The following NXPE2 variants were observed in gnomAD, a reference collection of about 807,000 sequenced individuals.
The protein encoded by NXPE2 is NXPE family member 2.
In NXPE2, 34 loss-of-function variants were observed where a neutral mutation model predicts 34.4. The observed-to-expected ratio is 0.99, with a 90% CI of 0.75 to 1.31. NXPE2 has a LOEUF of 1.31. Among genes scored for constraint, NXPE2 ranks in the 40% most tolerant of loss-of-function variants. NXPE2 has a pLI of 0.00. For synonymous variants in NXPE2, 235 were observed against 231.3 expected (o/e 1.02, Z -0.15); for missense variants, 649 against 672.5 (o/e 0.97, Z 0.39).
chr11:114,682,468 C>T (rs1950965315), intron 2 of NXPE2, among the ~76,000 whole-genome samples: 1 of 152,136 alleles, frequency 6.6e-6, no homozygotes, highest in Non-Finnish European at 1.5e-5. Flanking sequence ...TGATTGGCAT[C>T]TTCTACCAGG....
At chr11:114,487,490 A>G in the NXPE2 span, among the ~76,000 whole-genome samples, 1 of 151,960 alleles carries the variant, frequency 6.6e-6, no homozygotes, top group South Asian at 2.1e-4. Flanking sequence ...CTTCCTTTCC[A>G]GTTTGGATGC....
At chr11:114,674,016 G>A (rs1300047199), upstream of NXPE2, among the ~76,000 whole-genome samples, 1 of 151,774 alleles carries the variant, frequency 6.6e-6, no homozygotes, top group Non-Finnish European at 1.5e-5. Context: ...CCCCAAAGAT[G>A]ATGATGGGAT....
downstream of NXPE2, among the ~76,000 whole-genome samples, chr11:114,708,962 C>G (rs1299930980): frequency 6.6e-6 from 1 of 152,206 alleles, no homozygotes; most frequent in Admixed American, 6.5e-5. Flanking sequence ...CACTCTACAA[C>G]TCACTCTACA....
chr11:114,745,752 G>GA, the NXPE2 span, among the ~76,000 whole-genome samples: 1 of 151,956 alleles, frequency 6.6e-6, no homozygotes, highest in African/African-American at 2.4e-5. Flanking sequence ...AACTAGATAT[G>GA]AAAAAGTATA....
chr11:114,491,454 A>G, the NXPE2 span, among the ~76,000 whole-genome samples: 2 of 152,126 alleles, frequency 1.3e-5, no homozygotes, highest in Non-Finnish European at 2.9e-5. Context: ...CAAAACCACA[A>G]TGAGATACCA....
chr11:114,723,597 A>C, the NXPE2 span, among the ~76,000 whole-genome samples: 20 of 152,242 alleles, frequency 1.3e-4, no homozygotes, highest in East Asian at 3.5e-3. Context: ...CCCCAAATCT[A>C]AGTTACCTTC....
At chr11:114,703,959 A>G in intron 3 of NXPE2, 32 bp from the exon 4 acceptor site, 1 of 1,486,858 alleles carries the variant, frequency 6.7e-7, no homozygotes, top group South Asian at 1.2e-5. Flanking sequence ...CTGGGCAGAT[A>G]TTAAGCTAAT....
the NXPE2 span, among the ~76,000 whole-genome samples, chr11:114,622,302 G>A: frequency 6.6e-6 from 1 of 150,696 alleles, no homozygotes; most frequent in East Asian, 2.0e-4. Flanking sequence ...GATAATAATT[G>A]TTGCCTCATG....
the NXPE2 span, among the ~76,000 whole-genome samples, chr11:114,464,786 A>T: frequency 2.0e-5 from 3 of 152,158 alleles, no homozygotes; most frequent in Non-Finnish European, 2.9e-5. Flanking sequence ...AACTAGGCGA[A>T]GATAATTGCA....
the NXPE2 span, among the ~76,000 whole-genome samples, chr11:114,468,657 A>G: frequency 1.3e-5 from 2 of 152,230 alleles, no homozygotes; most frequent in Non-Finnish European, 2.9e-5. Context: ...CAAGGATTCT[A>G]CTGAACATTC....
chr11:114,639,273 G>C, the NXPE2 span, among the ~76,000 whole-genome samples: 1 of 151,338 alleles, frequency 6.6e-6, no homozygotes, highest in African/African-American at 2.4e-5. Flanking sequence ...CTCCGAGCCA[G>C]GTGCAGGATA....
the NXPE2 span, among the ~76,000 whole-genome samples, chr11:114,724,379 A>C: frequency 6.6e-6 from 1 of 152,188 alleles, no homozygotes; most frequent in Non-Finnish European, 1.5e-5. Context: ...TGGGGCTGCA[A>C]CATATTGATG....
At chr11:114,571,037 A>T in the NXPE2 span, 1 of 1,613,574 alleles carries the variant, frequency 6.2e-7, no homozygotes, top group Non-Finnish European at 8.5e-7. Flanking sequence ...TATCCCAGGC[A>T]TCAATGATAC....
At chr11:114,616,901 C>T in the NXPE2 span, among the ~76,000 whole-genome samples, 91 of 151,762 alleles carry the variant, frequency 6.0e-4, no homozygotes, top group Admixed American at 1.4e-3. Flanking sequence ...GGTATTGTCT[C>T]GTGGGTAACC....
chr11:114,708,767 C>T (rs78215179), downstream of NXPE2, among the ~76,000 whole-genome samples: 13 of 152,332 alleles, frequency 8.5e-5, no homozygotes, highest in Non-Finnish European at 1.5e-4. Flanking sequence ...CTTATTGGTT[C>T]TAATTCCTCC....
At chr11:114,537,549 A>T in the NXPE2 span, among the ~76,000 whole-genome samples, 3 of 152,298 alleles carry the variant, frequency 2.0e-5, no homozygotes, top group Admixed American at 6.5e-5. Flanking sequence ...CTCAGCCCCA[A>T]ATCTCCTCAA....
At chr11:114,724,870 T>G in the NXPE2 span, among the ~76,000 whole-genome samples, 1 of 146,736 alleles carries the variant, frequency 6.8e-6, no homozygotes, top group African/African-American at 2.5e-5. Context: ...ACCCTCCACG[T>G]AATATTGCCT....
the NXPE2 span, among the ~76,000 whole-genome samples, chr11:114,626,705 A>G: frequency 2.0e-5 from 3 of 152,254 alleles, no homozygotes; most frequent in Non-Finnish European, 4.4e-5. Context: ...AAGGCTTCAG[A>G]CAATCAAATT....
At chr11:114,520,966 C>G in the NXPE2 span, among the ~76,000 whole-genome samples, 1 of 152,286 alleles carries the variant, frequency 6.6e-6, no homozygotes, top group South Asian at 2.1e-4. Context: ...AAGTGACAGC[C>G]TGCTATATCC....
Sources: gnomAD v4.1 joint callset for allele counts (sites outside exome capture counted in the v4.1 genomes callset) on GRCh38, gnomAD v4.1.1 for gene constraint, MANE v1.5 for transcripts, NCBI Gene and HGNC (gene_info 2026-07-23, HGNC 2026-07-21) for gene names.